The following CD2AP variants were observed in gnomAD, a reference collection of about 807,000 sequenced individuals.
The protein encoded by CD2AP is CD2-associated protein.
Under a neutral mutation model 85.1 loss-of-function variants are expected in CD2AP, and 46 were observed. That is an observed-to-expected ratio of 0.54 (90% CI 0.43 to 0.69). The LOEUF is 0.69. Ranked by LOEUF, CD2AP falls within the 30% of genes least tolerant of loss-of-function variation. The probability of loss-of-function intolerance (pLI) is 0.00; values close to 1 mark genes in which losing one functional copy is unlikely to be tolerated. For missense variants in CD2AP, 769 were observed against 729.5 expected (o/e 1.05, Z -0.62); for synonymous variants, 255 against 252.9 (o/e 1.01, Z -0.08).
chr6:47,522,441 T>C (rs1203756239), intron 2 of CD2AP, among the ~76,000 whole-genome samples: 1 of 152,214 alleles, frequency 6.6e-6, no homozygotes, highest in East Asian at 1.9e-4. Flanking sequence ...ATAATGTTTT[T>C]ATTTTGCTGC....
At position 47,579,623 on chromosome 6, in the gene CD2AP, GTTAT is replaced by G. The variant is rs1582584702; in HGVS notation, c.1008+137_1008+140del. 71 of 639,220 alleles carry G rather than the reference GTTAT, an allele frequency of 1.1e-4. No individual in the cohort carries two copies. In the South Asian group the frequency reaches 1.2e-3, roughly 11 times the overall value. The allele number at this position is 639,220 out of a possible 1,614,324, so 39.6% of individuals were successfully genotyped here. On this transcript the variant is annotated intron_variant, in intron 9 of 17. Coordinates refer to ENST00000359314, the MANE Select transcript of CD2AP (RefSeq NM_012120.3). ...TTCAGATGTAGCTATTCAGGTAGGA[GTTAT>G]TTGAGTTATAGTAAAACAAAATAAT... is the stretch of plus-strand genomic sequence containing the variant.
At chr6:47,599,251 A>G (rs767543228) in intron 12 of CD2AP, 50 bp from the exon 13 acceptor site, 2 of 1,506,496 alleles carry the variant, frequency 1.3e-6, no homozygotes, top group Admixed American at 3.4e-5. Flanking sequence ...AATTTAAAAA[A>G]AAGTCGTGTT....
Position 47,626,604 on chromosome 6 carries a change from T to C in CD2AP, c.*2377T>C, listed in dbSNP as rs1316116445. 3 of 152,446 alleles carry C rather than the reference T, an allele frequency of 2.0e-5. No homozygotes were observed. Among genetic ancestry groups the C allele is most frequent in the Non-Finnish European group, 4.4e-5 (3 of 67,874 alleles). The allele number at this position is 152,446 out of a possible 1,614,324, so 9.4% of individuals were successfully genotyped here. ...AGTGTTATTTTTTGTTTGTGACCAC[T>C]AAGCTTCTGTCTTAATACAAAGCTG... On this transcript the variant is annotated 3_prime_UTR_variant, in exon 18 of 18. Coordinates refer to ENST00000359314, the MANE Select transcript of CD2AP (RefSeq NM_012120.3).
chr6:47,505,223 GATGACTCTT>G (rs1766109148), intron 2 of CD2AP, among the ~76,000 whole-genome samples: 1 of 145,742 alleles, frequency 6.9e-6, no homozygotes, highest in Admixed American at 6.8e-5. Flanking sequence ...AGGGATTGGT[GATGACTCTT>G]AACGAGCATG....
At chr6:47,533,786 A>G (rs746647213) in intron 3 of CD2AP, 31 bp downstream of exon 3, 1 of 1,604,264 alleles carries the variant, frequency 6.2e-7, no homozygotes, top group Middle Eastern at 1.7e-4. Flanking sequence ...CTGCATAATT[A>G]CATCAAAATA....
intron 11 of CD2AP, among the ~76,000 whole-genome samples, chr6:47,582,814 G>C (rs1165101471): frequency 1.5e-5 from 2 of 137,520 alleles, no homozygotes; most frequent in Non-Finnish European, 1.5e-5. Flanking sequence ...TTTTTGTCTC[G>C]CTCTCTGGCC....
intron 2 of CD2AP, among the ~76,000 whole-genome samples, chr6:47,518,898 T>C (rs562007022): frequency 6.6e-6 from 1 of 152,330 alleles, no homozygotes; most frequent in East Asian, 1.9e-4. Flanking sequence ...GTAGCCTCTG[T>C]TGTGGTATTT....
intron 5 of CD2AP, among the ~76,000 whole-genome samples, chr6:47,566,323 T>TATATATATATATATGTATACACACAC: frequency 9.2e-6 from 1 of 108,388 alleles, no homozygotes; most frequent in Non-Finnish European, 2.1e-5. Flanking sequence ...TATATATATA[T>TATATATATATATATGTATACACACAC]ACACATACAC....
chr6:47,576,439 T>A, intron 6 of CD2AP, 85 bp from the exon 7 acceptor site: 1 of 915,822 alleles, frequency 1.1e-6, no homozygotes, highest in Non-Finnish European at 1.8e-6. Context: ...TAGGGAAAGC[T>A]GGGTAACTGT....
intron 4 of CD2AP, among the ~76,000 whole-genome samples, chr6:47,545,674 C>T (rs1249597662): frequency 2.0e-5 from 3 of 152,164 alleles, no homozygotes; most frequent in Non-Finnish European, 2.9e-5. Context: ...AAGAGACCCA[C>T]GGATGGTTCA....
At chr6:47,499,352 A>G (rs1442003109) in intron 1 of CD2AP, among the ~76,000 whole-genome samples, 5 of 152,154 alleles carry the variant, frequency 3.3e-5, no homozygotes, top group African/African-American at 1.2e-4. Context: ...CTGTGTATAC[A>G]TACATGTATA....
At chr6:47,541,316 G>A (rs1016283918) in intron 3 of CD2AP, among the ~76,000 whole-genome samples, 4 of 152,036 alleles carry the variant, frequency 2.6e-5, no homozygotes, top group African/African-American at 9.7e-5. Context: ...AGTAGAGATG[G>A]GGTTTCACCA....
At chr6:47,480,342 T>C (rs1280782392) in intron 1 of CD2AP, among the ~76,000 whole-genome samples, 2 of 152,224 alleles carry the variant, frequency 1.3e-5, no homozygotes, top group South Asian at 2.1e-4. Context: ...TTTCTTATGA[T>C]TTTAGATGCA....
chr6:47,601,907 G>A (rs1266527586), intron 13 of CD2AP, among the ~76,000 whole-genome samples: 2 of 151,940 alleles, frequency 1.3e-5, no homozygotes. Context: ...ATTGCTGATA[G>A]TAAGTTTCTT....
At chr6:47,526,897 A>T (rs1429714739) in intron 2 of CD2AP, among the ~76,000 whole-genome samples, 6 of 152,178 alleles carry the variant, frequency 3.9e-5, no homozygotes, top group Non-Finnish European at 8.8e-5. Context: ...CTAGTCTTTT[A>T]TGTAGATTTT....
intron 1 of CD2AP, among the ~76,000 whole-genome samples, chr6:47,502,969 G>A (rs559019046): frequency 6.6e-6 from 1 of 152,308 alleles, no homozygotes; most frequent in African/African-American, 2.4e-5. Context: ...TGGGGATCAT[G>A]GAGACCACCT....
At chr6:47,580,684 A>G (rs187925681) in intron 9 of CD2AP, among the ~76,000 whole-genome samples, 180 bp from the exon 10 acceptor site, 236 of 152,250 alleles carry the variant, frequency 1.6e-3, no homozygotes, top group Non-Finnish European at 2.8e-3. Flanking sequence ...TTTCTAATGA[A>G]ATAATTTGTT....
chr6:47,481,164 A>G (rs1765432320), intron 1 of CD2AP, among the ~76,000 whole-genome samples: 1 of 152,222 alleles, frequency 6.6e-6, no homozygotes. Context: ...AATGGCACAA[A>G]GTGTCAGAGC....
At chr6:47,543,926 A>C (rs934892132) in intron 3 of CD2AP, among the ~76,000 whole-genome samples, 1 of 152,232 alleles carries the variant, frequency 6.6e-6, no homozygotes, top group African/African-American at 2.4e-5. Flanking sequence ...GAAGTAGTCA[A>C]CTATTCCTGA....
Sources: gnomAD v4.1 joint callset for allele counts (sites outside exome capture counted in the v4.1 genomes callset) on GRCh38, gnomAD v4.1.1 for gene constraint, MANE v1.5 for transcripts, NCBI Gene and HGNC (gene_info 2026-07-23, HGNC 2026-07-21) for gene names.